The following CATSPERT variants were observed in gnomAD, a reference collection of about 807,000 sequenced individuals.
The protein encoded by CATSPERT is cation channel sperm-associated targeting subunit tau.
At chr2:201,505,442 T>C in the CATSPERT span, among the ~76,000 whole-genome samples, 2 of 152,238 alleles carry the variant, frequency 1.3e-5, no homozygotes, top group African/African-American at 4.8e-5. Flanking sequence ...AGTGTCATCC[T>C]GTGCTATCAT....
chr2:201,582,325 A>G, the CATSPERT span: 1 of 1,076,358 alleles, frequency 9.3e-7, no homozygotes, highest in Non-Finnish European at 1.3e-6. Flanking sequence ...TTATTATGCA[A>G]ATACTATTGC....
At chr2:201,593,036 T>C in the CATSPERT span, among the ~76,000 whole-genome samples, 2 of 152,078 alleles carry the variant, frequency 1.3e-5, no homozygotes, top group African/African-American at 4.8e-5. Flanking sequence ...TTTGAATGTG[T>C]TTGCTCTTGC....
the CATSPERT span, among the ~76,000 whole-genome samples, chr2:201,609,489 A>T: frequency 6.6e-6 from 1 of 152,242 alleles, no homozygotes; most frequent in Non-Finnish European, 1.5e-5. Context: ...CATATCAAGT[A>T]TCTTCTGAGA....
the CATSPERT span, among the ~76,000 whole-genome samples, chr2:201,575,034 C>CAAAA: frequency 5.1e-4 from 50 of 97,636 alleles, no homozygotes; most frequent in Non-Finnish European, 7.9e-4. Flanking sequence ...CACCATTTAG[C>CAAAA]AAAAAAAAAA....
At chr2:201,534,541 G>A in the CATSPERT span, 3 of 982,222 alleles carry the variant, frequency 3.1e-6, no homozygotes, top group African/African-American at 1.8e-5. Flanking sequence ...AAATCCCCAA[G>A]TCTTCAAACA....
At chr2:201,494,091 T>C in the CATSPERT span, 1 of 1,535,100 alleles carries the variant, frequency 6.5e-7, no homozygotes, top group Non-Finnish European at 8.7e-7. Flanking sequence ...TTTTAATTAT[T>C]TGACTTAAAG....
chr2:201,591,671 T>C, the CATSPERT span, among the ~76,000 whole-genome samples: 1 of 152,214 alleles, frequency 6.6e-6, no homozygotes, highest in African/African-American at 2.4e-5. Context: ...TGCTCAGTAG[T>C]TTGTAGTTCT....
the CATSPERT span, among the ~76,000 whole-genome samples, chr2:201,530,293 T>G: frequency 5.7e-5 from 5 of 88,126 alleles, no homozygotes; most frequent in African/African-American, 1.5e-4. Flanking sequence ...CAAAGAGATA[T>G]CTGCATCCCC....
At chr2:201,605,794 T>C in the CATSPERT span, among the ~76,000 whole-genome samples, 1 of 152,220 alleles carries the variant, frequency 6.6e-6, no homozygotes, top group Non-Finnish European at 1.5e-5. Flanking sequence ...GAGATGTTTT[T>C]AAGCCTACAA....
the CATSPERT span, among the ~76,000 whole-genome samples, chr2:201,563,495 C>A: frequency 8.3e-6 from 1 of 120,326 alleles, no homozygotes; most frequent in Non-Finnish European, 1.8e-5. Flanking sequence ...CCGGACGGGG[C>A]GGCTGGCCGG....
At chr2:201,601,994 T>A in the CATSPERT span, 1 of 768,454 alleles carries the variant, frequency 1.3e-6, no homozygotes, top group Non-Finnish European at 2.0e-6. Flanking sequence ...ATCAATCATG[T>A]AGCATTAAAC....
the CATSPERT span, among the ~76,000 whole-genome samples, chr2:201,497,214 C>T: frequency 1.3e-5 from 2 of 152,164 alleles, no homozygotes; most frequent in Non-Finnish European, 2.9e-5. Context: ...AATGGCTTCC[C>T]ACTCATTGTC....
chr2:201,537,584 A>T, the CATSPERT span: 573 of 889,498 alleles, frequency 6.4e-4, 5 homozygotes, highest in East Asian at 0.013. Flanking sequence ...CTAAAAACAA[A>T]GAGCAACTTA....
the CATSPERT span, chr2:201,574,425 A>T: frequency 9.1e-6 from 5 of 552,028 alleles, no homozygotes; most frequent in Non-Finnish European, 1.5e-5. Context: ...TACACAAGGA[A>T]CTCCTACAGA....
At chr2:201,596,865 C>T in the CATSPERT span, among the ~76,000 whole-genome samples, 9 of 152,104 alleles carry the variant, frequency 5.9e-5, no homozygotes, top group African/African-American at 1.2e-4. Flanking sequence ...CCCATTTTGC[C>T]CACCATTTGT....
the CATSPERT span, among the ~76,000 whole-genome samples, chr2:201,559,437 C>T: frequency 1.3e-5 from 2 of 152,240 alleles, no homozygotes; most frequent in Non-Finnish European, 2.9e-5. Context: ...TCCCTACGGG[C>T]TGCCCCTGGC....
At chr2:201,576,802 C>T in the CATSPERT span, among the ~76,000 whole-genome samples, 15 of 152,120 alleles carry the variant, frequency 9.9e-5, no homozygotes, top group Non-Finnish European at 2.2e-4. Flanking sequence ...CATGCATGGG[C>T]CTGGTTACCT....
At chr2:201,542,996 A>G in the CATSPERT span, among the ~76,000 whole-genome samples, 5 of 152,178 alleles carry the variant, frequency 3.3e-5, no homozygotes, top group Admixed American at 3.3e-4. Flanking sequence ...CTTACATTTA[A>G]GTCATTAATC....
the CATSPERT span, chr2:201,545,552 C>A: frequency 6.9e-7 from 1 of 1,438,878 alleles, no homozygotes; most frequent in South Asian, 1.4e-5. Flanking sequence ...CCTACTCCTA[C>A]AATATTTTCA....
Sources: allele counts gnomAD v4.1 joint callset (sites outside exome capture counted in the v4.1 genomes callset), GRCh38; gene constraint gnomAD v4.1.1; transcripts MANE v1.5; gene names NCBI Gene and HGNC (gene_info 2026-07-23, HGNC 2026-07-21).